EYS: variants seen among roughly 807,000 people sequenced by gnomAD.
EYS encodes the protein EGF-like photoreceptor maintenance factor.
A neutral mutation model predicts 282.1 loss-of-function variants in EYS; 250 were observed. The ratio of observed to expected loss-of-function variants is 0.89; its 90% CI spans 0.80 to 0.98. The LOEUF (loss-of-function observed/expected upper bound fraction) is 0.98. Ranked by LOEUF, EYS falls within the 50% of genes least tolerant of loss-of-function variation. The pLI, the probability that EYS is intolerant of heterozygous loss-of-function variation, is 0.00. For synonymous variants in EYS, 1,355 were observed against 1,282.9 expected, an observed-to-expected ratio of 1.06 and a Z score of -1.20; for missense variants, 4,016 against 3,709.0, an observed-to-expected ratio of 1.08 and a Z score of -2.15.
chr6:63,980,495 T>C (rs545137572), intron 35 of EYS, among the ~76,000 whole-genome samples: 3 of 152,002 alleles, frequency 2.0e-5, no homozygotes, highest in African/African-American at 7.2e-5. Context: ...AAGGGCTTTC[T>C]TCCTGTCTCT....
intron 21 of EYS, among the ~76,000 whole-genome samples, chr6:64,815,664 C>T (rs1432988964): frequency 6.6e-6 from 1 of 151,822 alleles, no homozygotes; most frequent in East Asian, 1.9e-4. Flanking sequence ...AAAGTGCTTT[C>T]CCAAAGAGTT....
chr6:64,248,183 TTGTGTGTGTGTGTGTGTG>T (rs10589491), intron 30 of EYS, among the ~76,000 whole-genome samples: 11 of 146,302 alleles, frequency 7.5e-5, no homozygotes, highest in African/African-American at 2.0e-4. Flanking sequence ...CAGAAGAAGC[TTGTGTGTGTGTGTGTGTG>T]TGTGTGTGTG....
chr6:64,913,679 C>A (rs1768073509), intron 15 of EYS, among the ~76,000 whole-genome samples: 1 of 152,026 alleles, frequency 6.6e-6, no homozygotes, highest in Non-Finnish European at 1.5e-5. Context: ...TACGTTGGTT[C>A]CATGATTTTG....
intron 1 of EYS, among the ~76,000 whole-genome samples, chr6:65,682,917 T>C (rs926251491): frequency 4.6e-5 from 7 of 151,952 alleles, no homozygotes; most frequent in Non-Finnish European, 7.4e-5. Flanking sequence ...AACGCGGTCA[T>C]GGCAGAAAGG....
At chr6:64,517,250 T>C (rs1475990921) in intron 26 of EYS, among the ~76,000 whole-genome samples, 2 of 151,758 alleles carry the variant, frequency 1.3e-5, no homozygotes, top group Non-Finnish European at 2.9e-5. Flanking sequence ...CCCAGATTTC[T>C]AGTGAGTACC....
At chr6:64,529,090 C>T (rs2150530452) in intron 26 of EYS, among the ~76,000 whole-genome samples, 1 of 152,052 alleles carries the variant, frequency 6.6e-6, no homozygotes, top group Non-Finnish European at 1.5e-5. Context: ...AACCAGTGTT[C>T]CCTAGGGCAC....
intron 35 of EYS, among the ~76,000 whole-genome samples, chr6:63,867,616 A>G: frequency 6.6e-6 from 1 of 152,176 alleles, no homozygotes; most frequent in East Asian, 1.9e-4. Context: ...GGCACGAACA[A>G]ATCTCTGTAA....
chr6:65,576,968 A>C (rs1039095911), intron 2 of EYS, among the ~76,000 whole-genome samples: 1 of 151,914 alleles, frequency 6.6e-6, no homozygotes, highest in South Asian at 2.1e-4. Context: ...TAGAATAATT[A>C]ATATTGTTAA....
intron 2 of EYS, among the ~76,000 whole-genome samples, chr6:65,598,249 A>C (rs354341): frequency 0.65 from 23,694 of 36,652 alleles, 7,114 homozygotes; most frequent in Non-Finnish European, 0.72. Context: ...CCCCCCCCCC[A>C]AAAAAAAAAA....
At chr6:64,442,244 A>T (rs1334614284) in intron 26 of EYS, among the ~76,000 whole-genome samples, 1 of 152,118 alleles carries the variant, frequency 6.6e-6, no homozygotes, top group Non-Finnish European at 1.5e-5. Context: ...TGCCCCAGAG[A>T]ATTGTAGAAC....
At position 65,158,859 on chromosome 6, in the gene EYS, C is replaced by T. The variant is rs1048553803; in HGVS notation, c.2024-101132G>A. On this transcript the variant is annotated intron_variant, in intron 12 of 42. Coordinates refer to ENST00000503581, the MANE Select transcript of EYS (RefSeq NM_001142800.2). ...CACTTTCTGCCTTTATGAATTTGCA[C>T]TGCGGAATCATTTCTAATAGAAACA... 3.4e-4 allele frequency among the ~76,000 whole-genome samples: 51 copies of T among 150,948 alleles called. 1 individual carries two copies. The highest frequency in any genetic ancestry group is 1.5e-5 in the Non-Finnish European group (1 of 67,262).
At chr6:64,791,777 A>G (rs1366339267) in intron 22 of EYS, among the ~76,000 whole-genome samples, 3 of 151,868 alleles carry the variant, frequency 2.0e-5, no homozygotes. Flanking sequence ...TTAAAGGAAA[A>G]ATTATGCTAT....
chr6:64,033,029 A>G (rs1769933479), intron 33 of EYS, among the ~76,000 whole-genome samples: 1 of 152,206 alleles, frequency 6.6e-6, no homozygotes. Flanking sequence ...AGGGGCTAAG[A>G]CCAAACATTG....
chr6:64,602,309 G>A (rs888750006), intron 24 of EYS, among the ~76,000 whole-genome samples: 4 of 152,020 alleles, frequency 2.6e-5, no homozygotes, highest in African/African-American at 9.7e-5. Flanking sequence ...AGTTGAGCAA[G>A]CAAAATGTAA....
chr6:65,041,298 G>C (rs1179359773), intron 13 of EYS, among the ~76,000 whole-genome samples: 1 of 151,676 alleles, frequency 6.6e-6, no homozygotes, highest in East Asian at 1.9e-4. Context: ...TTCTTAGCCA[G>C]CTTCCTGCCA....
At chr6:64,886,210 C>CT (rs1767080924) in intron 19 of EYS, among the ~76,000 whole-genome samples, 1 of 151,832 alleles carries the variant, frequency 6.6e-6, no homozygotes, top group African/African-American at 2.4e-5. Flanking sequence ...TCCCTGATGA[C>CT]TTTTGCCTTT....
intron 15 of EYS, among the ~76,000 whole-genome samples, chr6:64,922,878 T>C (rs1025975427): frequency 2.0e-5 from 3 of 152,092 alleles, no homozygotes; most frequent in Admixed American, 6.6e-5. Context: ...GACCCCAAGC[T>C]CTAGGTGGAG....
chr6:64,462,695 A>G (rs1008693258), intron 26 of EYS, among the ~76,000 whole-genome samples: 3 of 151,750 alleles, frequency 2.0e-5, no homozygotes, highest in Non-Finnish European at 4.4e-5. Flanking sequence ...ATTGTTTTTT[A>G]GCTTCCAAGA....
intron 30 of EYS, among the ~76,000 whole-genome samples, chr6:64,297,977 CAA>C (rs34562408): frequency 0.041 from 3,963 of 96,432 alleles, 68 homozygotes; most frequent in African/African-American, 0.058. Context: ...GATTCTGTCT[CAA>C]AAAAAAAAAA....
Sources: gnomAD v4.1 joint callset for allele counts (sites outside exome capture counted in the v4.1 genomes callset) on GRCh38, gnomAD v4.1.1 for gene constraint, MANE v1.5 for transcripts, NCBI Gene and HGNC (gene_info 2026-07-23, HGNC 2026-07-21) for gene names.